The following TMEM45B variants were observed in gnomAD, a reference collection of about 807,000 sequenced individuals.
The protein encoded by TMEM45B is transmembrane protein 45B.
A neutral mutation model predicts 27.3 loss-of-function variants in TMEM45B; 29 were observed. The ratio of observed to expected loss-of-function variants is 1.06; its 90% CI spans 0.79 to 1.45. The LOEUF (loss-of-function observed/expected upper bound fraction) is 1.45, where lower values mean the gene tolerates loss of function less well. TMEM45B is among the 40% of genes most tolerant of loss of function. TMEM45B has a pLI of 0.00. For missense variants in TMEM45B, 348 were observed against 343.9 expected (o/e 1.01, Z -0.09); for synonymous variants, 143 against 134.7 (o/e 1.06, Z -0.43).
At chr11:129,855,538 ACTC>A (rs1947909841) in intron 3 of TMEM45B, among the ~76,000 whole-genome samples, 167 bp from the exon 4 acceptor site, 1 of 152,050 alleles carries the variant, frequency 6.6e-6, no homozygotes, top group African/African-American at 2.4e-5. Context: ...GCTGCTTTAT[ACTC>A]CTAACATACT....
chr11:129,830,057 G>A (rs537885054), intron 1 of TMEM45B, among the ~76,000 whole-genome samples: 1 of 152,234 alleles, frequency 6.6e-6, no homozygotes, highest in East Asian at 1.9e-4. Context: ...GAGGTCAGGT[G>A]CAGTGGTTCA....
At chr11:129,829,122 G>C (rs1327038599) in intron 1 of TMEM45B, among the ~76,000 whole-genome samples, 2 of 152,212 alleles carry the variant, frequency 1.3e-5, no homozygotes, top group East Asian at 1.9e-4. Flanking sequence ...ACAGACATTA[G>C]AGAACTTGTC....
intron 1 of TMEM45B, among the ~76,000 whole-genome samples, chr11:129,848,124 G>C (rs1218952593): frequency 6.6e-6 from 1 of 152,026 alleles, no homozygotes; most frequent in East Asian, 1.9e-4. Flanking sequence ...TGGCGGCCGG[G>C]CAGAGGCTGC....
At chr11:129,836,546 T>C (rs1353229695) in intron 1 of TMEM45B, among the ~76,000 whole-genome samples, 2 of 152,154 alleles carry the variant, frequency 1.3e-5, no homozygotes, top group African/African-American at 4.8e-5. Flanking sequence ...TACCTCAGGA[T>C]GTGACTCTTT....
rs141358494 is a variant in TMEM45B at position 129,849,272 on chromosome 11, C to G, written c.-8-3203C>G. Among the ~76,000 whole-genome samples the G allele has an allele frequency of 9.6e-3, 1,460 of 152,196 alleles. 25 individuals carry two copies. The highest frequency in any genetic ancestry group is 0.033 in the African/African-American group (1,377 of 41,512). On this transcript the variant is annotated intron_variant, in intron 1 of 5. Coordinates refer to ENST00000281441, the MANE Select transcript of TMEM45B (RefSeq NM_138788.5). ...GCGTACTTTGATTCAAATACAATGG[C>G]GTGACAGGCACAGGACAGATGTTTC...
At chr11:129,846,465 C>CA (rs35029516) in intron 1 of TMEM45B, among the ~76,000 whole-genome samples, 167 of 144,454 alleles carry the variant, frequency 1.2e-3, no homozygotes, top group Middle Eastern at 3.5e-3. Context: ...GACTCTTTCT[C>CA]AAAAAAAAAA....
rs1395696483 is a variant in TMEM45B, at chr11:129,859,526, C to T, written c.*841C>T. 1 of 152,002 alleles carries T rather than the reference C, an allele frequency of 6.6e-6. No individual in the cohort carries two copies. Among genetic ancestry groups the T allele is most frequent in the African/African-American group, 2.4e-5 (1 of 41,318 alleles). The allele number at this position is 152,002 out of a possible 1,614,324, so 9.4% of individuals were successfully genotyped here. On this transcript the variant is annotated 3_prime_UTR_variant, in exon 6 of 6. Transcript: ENST00000281441. ...TGATACCCTAATCTTGCTTCTGGAT[C>T]TGTTCTTTTTTTAAAAAAACTTCCT...
rs1411379766 is a variant in TMEM45B at position 129,859,233 on chromosome 11, A to G, written c.*548A>G. On this transcript the variant is annotated 3_prime_UTR_variant, in exon 6 of 6. Coordinates refer to ENST00000281441, the MANE Select transcript of TMEM45B (RefSeq NM_138788.5). ...TTTTAAAATTATTGTTAAACATATC[A>G]TAACTAATCATACCAGGGTACTGCA... 6.6e-6 allele frequency: 1 copy of G among 152,284 alleles called. No homozygotes were observed. The highest frequency in any genetic ancestry group is 1.5e-5 in the Non-Finnish European group (1 of 68,088). 9.4% of individuals were successfully genotyped at this position (152,284 alleles called of 1,614,324 possible). A position where few individuals can be genotyped will look rare whatever the true frequency, so the allele number is the denominator to read the frequency against.
At position 129,858,610 on chromosome 11, in the gene TMEM45B, A is replaced by C. The variant is rs1162809326; in HGVS notation, c.753A>C (p.Glu251Asp). 6.3e-7 allele frequency: 1 copy of C among 1,588,274 alleles called. No homozygotes were observed. Among genetic ancestry groups the C allele is most frequent in the Non-Finnish European group, 8.6e-7 (1 of 1,166,332 alleles). Residue 251 changes from glutamate to aspartate, a missense_variant, in exon 6 of 6, where the codon GAA becomes GAC. By Grantham distance (45) the Glu-to-Asp change is conservative. Transcript: ENST00000281441. ...GGATGAAGAGACACGGAAGGGGAGA[A>C]ATCATTGGAATTCAGAAGCTGAATT... ...LTRMKRHGRG[E>D]IIGIQKLNSD...
rs777380173 is a variant in TMEM45B at position 129,855,841 on chromosome 11, G to C, written c.519G>C (p.Leu173=). ...LEVIFRDHIV[L]ELFRTSLIIL... ...TGATCTTCCGGGACCACATTGTGCT[G>C]GAACTTTTCCGAACCAGTCTCATCA... Residue 173 remains leucine (L), a synonymous_variant, in exon 4 of 6, where the codon CTG becomes CTC. Transcript: ENST00000281441. The C allele has an allele frequency of 6.2e-7, 1 of 1,614,138 alleles. No homozygotes were observed. Among genetic ancestry groups the C allele is most frequent in the Admixed American group, 1.7e-5 (1 of 60,020 alleles).
chr11:129,838,751 A>G (rs923147442), intron 1 of TMEM45B, among the ~76,000 whole-genome samples: 1 of 152,186 alleles, frequency 6.6e-6, no homozygotes, highest in African/African-American at 2.4e-5. Context: ...TCTGGGAGCA[A>G]CGTAATGTTA....
At position 129,855,318 on chromosome 11, in the gene TMEM45B, T is replaced by G. The variant is rs1369952840; in HGVS notation, c.386-390T>G. ...TCCACTGCCAGGGGAGCGCTGCCAG[T>G]ATGACTCACACTGACTGGGGTATGA... On this transcript the variant is annotated intron_variant, in intron 3 of 5. Transcript: ENST00000281441. Among the ~76,000 whole-genome samples, 252 of 152,230 alleles carry G rather than the reference T, an allele frequency of 1.7e-3. 1 individual carries two copies. The highest frequency in any genetic ancestry group is 5.7e-3 in the African/African-American group (237 of 41,532).
chr11:129,845,047 A>G (rs1036551056), intron 1 of TMEM45B, among the ~76,000 whole-genome samples: 2 of 152,310 alleles, frequency 1.3e-5, no homozygotes, highest in Admixed American at 6.5e-5. Context: ...ATATATATTC[A>G]TGCTTTGAAA....
chr11:129,846,575 C>A (rs1046885999), intron 1 of TMEM45B, among the ~76,000 whole-genome samples: 3 of 152,110 alleles, frequency 2.0e-5, no homozygotes, highest in Non-Finnish European at 4.4e-5. Flanking sequence ...TCTGGCCCTG[C>A]GGTAAGCTGT....
chr11:129,828,945 C>G (rs551150112), intron 1 of TMEM45B, among the ~76,000 whole-genome samples: 1 of 152,334 alleles, frequency 6.6e-6, no homozygotes, highest in South Asian at 2.1e-4. Context: ...GCCTAAGTCT[C>G]TCCCCTATTA....
intron 1 of TMEM45B, among the ~76,000 whole-genome samples, chr11:129,843,839 G>A (rs971831437): frequency 6.6e-6 from 1 of 152,218 alleles, no homozygotes; most frequent in Admixed American, 6.5e-5. Flanking sequence ...TTTACATACT[G>A]TTGGTGGGAA....
rs1947428050 is a variant in TMEM45B, at chr11:129,822,270, T to C, written c.-9+6372T>C. 2.6e-5 allele frequency among the ~76,000 whole-genome samples: 4 copies of C among 152,196 alleles called. No homozygotes were observed. In the South Asian group the frequency reaches 8.3e-4, roughly 32 times the overall value. On this transcript the variant is annotated intron_variant, in intron 1 of 5. Transcript: ENST00000281441. ...TTCTCCAAGCATATTAACTCAGTAC[T>C]TTTTCTACATTTTAGAAGTTTTCTT...
At chr11:129,856,000 A>T in intron 4 of TMEM45B, 108 bp downstream of exon 4, 1 of 1,332,728 alleles carries the variant, frequency 7.5e-7, no homozygotes, top group Non-Finnish European at 1.0e-6. Flanking sequence ...ATGCAGCATT[A>T]ACATGCCATG....
intron 1 of TMEM45B, among the ~76,000 whole-genome samples, chr11:129,840,089 C>A (rs1484397042): frequency 6.6e-6 from 1 of 152,148 alleles, no homozygotes; most frequent in East Asian, 1.9e-4. Context: ...TTATTTATTA[C>A]CTTATTCCTC....
Sources: allele counts gnomAD v4.1 joint callset (sites outside exome capture counted in the v4.1 genomes callset), GRCh38; gene constraint gnomAD v4.1.1; transcripts MANE v1.5; gene names NCBI Gene and HGNC (gene_info 2026-07-23, HGNC 2026-07-21).